The following DCC variants were observed in gnomAD, a reference collection of about 807,000 sequenced individuals.
The protein encoded by DCC is DCC netrin 1 receptor.
In DCC, 58 loss-of-function variants were observed where a neutral mutation model predicts 172.5. That is an observed-to-expected ratio of 0.34 (90% CI 0.27 to 0.42). DCC has a LOEUF of 0.42. DCC is among the 10% of genes least tolerant of loss of function. The probability of loss-of-function intolerance (pLI) is 1.00; values close to 1 mark genes in which losing one functional copy is unlikely to be tolerated. For synonymous variants in DCC, 709 were observed against 644.5 expected (o/e 1.10, Z -1.52); for missense variants, 1,740 against 1,791.0 (o/e 0.97, Z 0.51).
intron 7 of DCC, among the ~76,000 whole-genome samples, chr18:53,132,431 G>A (rs571721020): frequency 2.6e-5 from 4 of 152,120 alleles, no homozygotes; most frequent in South Asian, 2.1e-4. Context: ...AGAAAGACAT[G>A]GGGAGGGATG....
intron 1 of DCC, among the ~76,000 whole-genome samples, chr18:52,514,063 T>A (rs1305909304): frequency 2.0e-5 from 3 of 152,166 alleles, no homozygotes; most frequent in Non-Finnish European, 2.9e-5. Flanking sequence ...TTAAAGAAAT[T>A]TTTCTTAAGA....
At chr18:53,320,512 C>T (rs1166890538) in intron 13 of DCC, among the ~76,000 whole-genome samples, 2 of 152,066 alleles carry the variant, frequency 1.3e-5, no homozygotes, top group East Asian at 1.9e-4. Context: ...TCTCTGTAAC[C>T]CCTCTGCCTC....
chr18:52,809,406 G>A (rs1000220630), intron 2 of DCC: 1 of 157,300 alleles, frequency 6.4e-6, no homozygotes, highest in Non-Finnish European at 1.3e-5. Context: ...CCAAGGAATG[G>A]AAACTTGGGC....
intron 1 of DCC, among the ~76,000 whole-genome samples, chr18:52,632,500 T>A (rs1381234500): frequency 6.6e-6 from 1 of 152,204 alleles, no homozygotes; most frequent in Admixed American, 6.5e-5. Context: ...GTTTTGCCAT[T>A]TGGGAAACAC....
At chr18:52,661,173 A>C (rs2035351656) in intron 1 of DCC, among the ~76,000 whole-genome samples, 2 of 152,200 alleles carry the variant, frequency 1.3e-5, no homozygotes, top group African/African-American at 2.4e-5. Context: ...TGAACAAGTA[A>C]GTGTGGGCTG....
intron 2 of DCC, among the ~76,000 whole-genome samples, chr18:52,860,380 G>A (rs1349031146): frequency 6.6e-6 from 1 of 152,154 alleles, no homozygotes; most frequent in Non-Finnish European, 1.5e-5. Context: ...TTGGTTTTAA[G>A]TGATTCTAAG....
At chr18:53,190,864 T>G (rs1437232771) in intron 9 of DCC, among the ~76,000 whole-genome samples, 1 of 152,116 alleles carries the variant, frequency 6.6e-6, no homozygotes, top group Non-Finnish European at 1.5e-5. Context: ...GAGAATGGCG[T>G]GAACCTGGGA....
chr18:52,387,130 T>A (rs1292150920), intron 1 of DCC, among the ~76,000 whole-genome samples: 1 of 152,152 alleles, frequency 6.6e-6, no homozygotes, highest in Non-Finnish European at 1.5e-5. Flanking sequence ...AATAGACACA[T>A]AGAAGAAAGA....
At chr18:52,668,303 C>T (rs1356573990) in intron 1 of DCC, among the ~76,000 whole-genome samples, 1 of 152,090 alleles carries the variant, frequency 6.6e-6, no homozygotes, top group Admixed American at 6.5e-5. Flanking sequence ...GGATTAAAAA[C>T]TTAATTTGAA....
intron 1 of DCC, among the ~76,000 whole-genome samples, chr18:52,628,680 G>C (rs1359081444): frequency 1.3e-5 from 2 of 152,206 alleles, no homozygotes; most frequent in South Asian, 2.1e-4. Flanking sequence ...ACAGAGGCCT[G>C]CAAGGAAAGG....
At chr18:53,134,354 G>A (rs2043704789) in intron 7 of DCC, among the ~76,000 whole-genome samples, 1 of 152,040 alleles carries the variant, frequency 6.6e-6, no homozygotes, top group Non-Finnish European at 1.5e-5. Flanking sequence ...TAATAAAGGA[G>A]GAATTATAAG....
intron 1 of DCC, among the ~76,000 whole-genome samples, chr18:52,719,926 G>A (rs1200213180): frequency 6.6e-6 from 1 of 152,126 alleles, no homozygotes; most frequent in African/African-American, 2.4e-5. Context: ...ACCCCTGGCA[G>A]TTCACAGTCA....
chr18:53,366,117 C>T (rs765094557), intron 15 of DCC, among the ~76,000 whole-genome samples: 126 of 151,674 alleles, frequency 8.3e-4, no homozygotes, highest in African/African-American at 1.5e-3. Flanking sequence ...AGTGCAGTGG[C>T]GCGATCTTGG....
At chr18:53,470,965 A>T (rs985509435) in intron 25 of DCC, among the ~76,000 whole-genome samples, 1 of 152,202 alleles carries the variant, frequency 6.6e-6, no homozygotes, top group Non-Finnish European at 1.5e-5. Flanking sequence ...ATGCCTCTTC[A>T]TTCTGATTTC....
At chr18:53,249,888 GT>G (rs1424988674) in intron 12 of DCC, among the ~76,000 whole-genome samples, 3 of 151,880 alleles carry the variant, frequency 2.0e-5, no homozygotes, top group Non-Finnish European at 4.4e-5. Flanking sequence ...TGCCTTCCAG[GT>G]ATGTTGCTCT....
chr18:52,459,202 TA>T (rs1988551746), intron 1 of DCC, among the ~76,000 whole-genome samples: 1 of 152,278 alleles, frequency 6.6e-6, no homozygotes, highest in Admixed American at 6.5e-5. Context: ...AATTCTTTTT[TA>T]ACTTTTATTT....
At chr18:53,357,402 A>G (rs2057889497) in intron 15 of DCC, among the ~76,000 whole-genome samples, 1 of 152,104 alleles carries the variant, frequency 6.6e-6, no homozygotes, top group East Asian at 1.9e-4. Flanking sequence ...ATCTCCCCCC[A>G]TCAAAAAATC....
intron 12 of DCC, among the ~76,000 whole-genome samples, chr18:53,241,875 GCCAGACT>G (rs1340115768): frequency 1.3e-5 from 2 of 152,144 alleles, no homozygotes; most frequent in Non-Finnish European, 2.9e-5. Context: ...TTAGCTAGAA[GCCAGACT>G]CCTCAATAGA....
chr18:53,307,897 G>GTATATATATATA (rs771876514), intron 13 of DCC, among the ~76,000 whole-genome samples: 1 of 67,414 alleles, frequency 1.5e-5, no homozygotes, highest in Non-Finnish European at 3.3e-5. Flanking sequence ...GTGTGTGTAT[G>GTATATATATATA]TATATATATA....
Sources: allele counts gnomAD v4.1 joint callset (sites outside exome capture counted in the v4.1 genomes callset), GRCh38; gene constraint gnomAD v4.1.1; transcripts MANE v1.5; gene names NCBI Gene and HGNC (gene_info 2026-07-23, HGNC 2026-07-21).